Variants in LARGE1 observed in about 807,000 individuals in gnomAD.
LARGE1 encodes the protein LARGE xylosyl- and glucuronyltransferase 1.
LARGE1 carries 43 observed loss-of-function variants against 87.6 expected under a neutral mutation model. The observed-to-expected ratio is 0.49, with a 90% confidence interval of 0.38 to 0.63. The LOEUF is 0.63. LARGE1 is among the 30% of genes least tolerant of loss of function. LARGE1 has a pLI of 0.00. For missense variants in LARGE1, 802 were observed against 1,000.2 expected, an observed-to-expected ratio of 0.80 and a Z score of 2.67; for synonymous variants, 434 against 394.6, an observed-to-expected ratio of 1.10 and a Z score of -1.18.
intron 6 of LARGE1, among the ~76,000 whole-genome samples, chr22:33,564,199 G>T (rs757927269): frequency 6.6e-6 from 1 of 152,116 alleles, no homozygotes; most frequent in Admixed American, 6.6e-5. Context: ...TCTGGGAGAG[G>T]GGTATTAAAA....
In LARGE1 at chr22:33,565,039, G is replaced by A; in HGVS notation, c.616-20C>T. On this transcript the variant is annotated intron_variant, in intron 5 of 14. Coordinates refer to ENST00000397394, the MANE Select transcript of LARGE1 (RefSeq NM_133642.5). ...TTCAGACTAGACAGAACAAGGCAGA[G>A]AGAGAGTTGGAGAAAGGGAAAAAAA... 6.2e-7 allele frequency: 1 copy of A among 1,611,830 alleles called. No homozygotes were observed. The highest frequency in any genetic ancestry group is 1.1e-5 in the South Asian group (1 of 91,042).
chr22:33,069,047 G>A, the LARGE1 span, among the ~76,000 whole-genome samples: 1 of 152,136 alleles, frequency 6.6e-6, no homozygotes, highest in Non-Finnish European at 1.5e-5. Context: ...AGAGCCAGGA[G>A]GACAAGTTGG....
chr22:33,463,467 A>C lies in LARGE1; in HGVS notation c.788-31202T>G, dbSNP rs80063726. On this transcript the variant is annotated intron_variant, in intron 6 of 14. Transcript: ENST00000397394. The stretch of plus-strand genomic sequence containing the variant: ...TTGGATGATATTAAAGAACAAATAA[A>C]ATAATAACAAATCAGGTTTATAGAT... Among the ~76,000 whole-genome samples the C allele has an allele frequency of 4.5e-3, 688 of 152,338 alleles. 3 individuals carry two copies. The highest frequency in any genetic ancestry group is 0.016 in the African/African-American group (648 of 41,582).
chr22:33,564,347 AT>A lies in LARGE1; in HGVS notation c.787+500del, dbSNP rs540361799. 2.6e-4 allele frequency among the ~76,000 whole-genome samples: 39 copies of A among 152,300 alleles called. 2 individuals are homozygous for A. In the East Asian group the frequency reaches 7.0e-3, roughly 27 times the overall value. ...CGTGACGAGAGTTACAATAATAGCT[AT>A]AAAGAAACCCACCAGACTAGAAAGA... On this transcript the variant is annotated intron_variant, in intron 6 of 14. Transcript: ENST00000397394.
rs143098570 is a variant in LARGE1 at position 33,260,405 on chromosome 22, T to C, written c.1730+43824A>G. ...TGAAAGCTCTCTGGCCTCCCTGGCA[T>C]GTGCTAGCTGGAAGGCATGGGCTTT... On this transcript the variant is annotated intron_variant, in intron 11 of 11. Transcript: ENST00000608642. Among the ~76,000 whole-genome samples the C allele has an allele frequency of 2.2e-4, 33 of 152,364 alleles. No homozygotes were observed. In the East Asian group the frequency reaches 6.0e-3, roughly 28 times the overall value.
chr22:33,524,414 T>A (rs536492215), intron 6 of LARGE1, among the ~76,000 whole-genome samples: 8 of 152,254 alleles, frequency 5.3e-5, no homozygotes, highest in Admixed American at 3.3e-4. Flanking sequence ...TTTACCCTCT[T>A]GTCATCTTAT....
chr22:33,531,157 G>C (rs548381025), intron 6 of LARGE1, among the ~76,000 whole-genome samples: 59 of 152,224 alleles, frequency 3.9e-4, no homozygotes, highest in Admixed American at 9.8e-4. Context: ...CAGCATTCTT[G>C]TTTTGTTTTG....
chr22:33,552,901 T>C (rs1208580557), intron 6 of LARGE1, among the ~76,000 whole-genome samples: 1 of 152,154 alleles, frequency 6.6e-6, no homozygotes, highest in Non-Finnish European at 1.5e-5. Flanking sequence ...AATATTCCCA[T>C]TGAGAATGAG....
At chr22:33,507,731 A>G (rs1252466328) in intron 6 of LARGE1, among the ~76,000 whole-genome samples, 1 of 151,402 alleles carries the variant, frequency 6.6e-6, no homozygotes, top group Non-Finnish European at 1.5e-5. Flanking sequence ...ATATTTCACC[A>G]TAATAATGTT....
At chr22:33,134,248 G>T in the LARGE1 span, among the ~76,000 whole-genome samples, 34 of 142,948 alleles carry the variant, frequency 2.4e-4, no homozygotes, top group East Asian at 4.2e-3. Context: ...CACTCACAAA[G>T]AACTCCCTTT....
chr22:33,470,610 C>T (rs1264754477), intron 6 of LARGE1, among the ~76,000 whole-genome samples: 2 of 152,230 alleles, frequency 1.3e-5, no homozygotes, highest in African/African-American at 4.8e-5. Flanking sequence ...TGGGCACATG[C>T]TCTCCCTCAC....
intron 1 of LARGE1, among the ~76,000 whole-genome samples, chr22:33,904,400 C>A (rs1159060090): frequency 6.6e-6 from 1 of 152,194 alleles, no homozygotes; most frequent in Non-Finnish European, 1.5e-5. Flanking sequence ...GTGGTCCCCC[C>A]GCCTCGGCCT....
In LARGE1 at chr22:33,758,811, G is replaced by C. The variant is rs548460845; in HGVS notation, c.106+2560C>G. 3.3e-5 allele frequency among the ~76,000 whole-genome samples: 5 copies of C among 152,174 alleles called. No individual in the cohort carries two copies. The East Asian group carries it at 7.7e-4, about 24-fold the overall frequency. On this transcript the variant is annotated intron_variant, in intron 2 of 14. Coordinates refer to ENST00000397394, the MANE Select transcript of LARGE1 (RefSeq NM_133642.5). ...GGAAACCATGCCATTTGCCTTTGGT[G>C]GCCATCCCAGTCACCCAATCTCACC...
At chr22:33,504,565 T>G (rs1485649337) in intron 6 of LARGE1, among the ~76,000 whole-genome samples, 1 of 152,190 alleles carries the variant, frequency 6.6e-6, no homozygotes, top group African/African-American at 2.4e-5. Context: ...TATATCTTTT[T>G]TAAAAAGGAT....
rs1230176170 is a variant in LARGE1, at chr22:33,315,954, G to A, written c.1451+131C>T. On this transcript the variant is annotated intron_variant, in intron 11 of 14. Transcript: ENST00000397394. ...AGGCTTCAATATTCTAAGCCCATGT[G>A]CCATCTCTTCCTGCTCCATCCTCCA... The A allele has an allele frequency of 1.5e-5, 16 of 1,056,808 alleles. No homozygotes were observed. The highest frequency in any genetic ancestry group is 4.7e-5 in the African/African-American group (3 of 63,544). 65.5% of individuals were successfully genotyped at this position (1,056,808 alleles called of 1,614,324 possible). A position where few individuals can be genotyped will look rare whatever the true frequency, so the allele number is the denominator to read the frequency against.
At chr22:33,406,860 T>C (rs2066119682) in intron 7 of LARGE1, among the ~76,000 whole-genome samples, 1 of 152,154 alleles carries the variant, frequency 6.6e-6, no homozygotes, top group South Asian at 2.1e-4. Flanking sequence ...TGGCACGATC[T>C]TGGCTCACTG....
intron 6 of LARGE1, among the ~76,000 whole-genome samples, chr22:33,528,317 A>G (rs965668194): frequency 1.3e-5 from 2 of 152,164 alleles, no homozygotes; most frequent in Non-Finnish European, 2.9e-5. Context: ...GAAACCAGAA[A>G]CAGACACTTC....
the LARGE1 span, among the ~76,000 whole-genome samples, chr22:33,103,707 G>C: frequency 3.3e-5 from 5 of 152,140 alleles, no homozygotes; most frequent in African/African-American, 1.2e-4. Context: ...AGCTGACTTT[G>C]GCCAACAACT....
At chr22:33,334,352 A>G (rs1036169713) in intron 10 of LARGE1, among the ~76,000 whole-genome samples, 2 of 143,616 alleles carry the variant, frequency 1.4e-5, no homozygotes, top group African/African-American at 2.6e-5. Flanking sequence ...CGGAGGTTAC[A>G]GTGAGCTGAG....
Sources: allele counts gnomAD v4.1 joint callset (sites outside exome capture counted in the v4.1 genomes callset), GRCh38; gene constraint gnomAD v4.1.1; transcripts MANE v1.5; gene names NCBI Gene and HGNC (gene_info 2026-07-23, HGNC 2026-07-21).